DSCAM: variants seen among roughly 807,000 people sequenced by gnomAD.
DSCAM encodes DS cell adhesion molecule, also known as cell adhesion molecule DSCAM.
Under a neutral mutation model 217.7 loss-of-function variants are expected in DSCAM, and 47 were observed. The ratio of observed to expected loss-of-function variants is 0.22; its 90% CI spans 0.17 to 0.28. The LOEUF (loss-of-function observed/expected upper bound fraction) is 0.28. DSCAM is among the 10% of genes least tolerant of loss of function. The pLI, the probability that DSCAM is intolerant of heterozygous loss-of-function variation, is 1.00. For synonymous variants in DSCAM, 1,056 were observed against 1,015.3 expected, an observed-to-expected ratio of 1.04 and a Z score of -0.76; for missense variants, 2,080 against 2,618.3, an observed-to-expected ratio of 0.79 and a Z score of 4.49.
chr21:40,340,872 G>A (rs565756270), intron 6 of DSCAM, among the ~76,000 whole-genome samples: 6 of 152,158 alleles, frequency 3.9e-5, no homozygotes, highest in Non-Finnish European at 8.8e-5. Flanking sequence ...CACCTTTGAG[G>A]AAAGTGCCAC....
intron 1 of DSCAM, among the ~76,000 whole-genome samples, chr21:40,781,453 C>A (rs191802158): frequency 6.6e-6 from 1 of 152,180 alleles, no homozygotes; most frequent in South Asian, 2.1e-4. Context: ...CTGAACAATG[C>A]GGATTTCAAG....
At chr21:40,496,154 G>T (rs1431277560) in intron 3 of DSCAM, among the ~76,000 whole-genome samples, 5 of 151,924 alleles carry the variant, frequency 3.3e-5, no homozygotes, top group African/African-American at 1.2e-4. Context: ...ATTTTTCAAA[G>T]AAATAGAAAA....
At chr21:40,236,655 C>A (rs1406088174) in intron 11 of DSCAM, among the ~76,000 whole-genome samples, 1 of 152,120 alleles carries the variant, frequency 6.6e-6, no homozygotes, top group Non-Finnish European at 1.5e-5. Flanking sequence ...GAGCCCTAGG[C>A]ATTAGTTCCC....
At chr21:40,654,639 C>G (rs1331165951) in intron 3 of DSCAM, among the ~76,000 whole-genome samples, 1 of 152,140 alleles carries the variant, frequency 6.6e-6, no homozygotes, top group East Asian at 1.9e-4. Context: ...TAGAGGCCAT[C>G]CCTGTTTCTT....
intron 3 of DSCAM, among the ~76,000 whole-genome samples, chr21:40,605,791 C>CTTTTTTTTTTTTTTT (rs755767800): frequency 6.5e-5 from 4 of 62,004 alleles, no homozygotes; most frequent in African/African-American, 2.5e-4. Context: ...AATGCACATT[C>CTTTTTTTTTTTTTTT]TTTTTTTTTT....
chr21:40,501,160 G>A (rs993621361), intron 3 of DSCAM, among the ~76,000 whole-genome samples: 1 of 152,016 alleles, frequency 6.6e-6, no homozygotes, highest in Non-Finnish European at 1.5e-5. Context: ...ATAATTTTTA[G>A]GATAAGTATG....
intron 3 of DSCAM, among the ~76,000 whole-genome samples, chr21:40,393,302 CTCAA>C (rs1342020848): frequency 1.3e-5 from 2 of 152,214 alleles, no homozygotes; most frequent in African/African-American, 4.8e-5. Flanking sequence ...CGGAGCAGCA[CTCAA>C]TCCATAACAG....
chr21:40,176,469 G>A (rs569378406), intron 15 of DSCAM, among the ~76,000 whole-genome samples: 1 of 152,288 alleles, frequency 6.6e-6, no homozygotes, highest in Admixed American at 6.5e-5. Flanking sequence ...CTAAAAAGAT[G>A]TGCCTTTGGG....
intron 11 of DSCAM, among the ~76,000 whole-genome samples, chr21:40,259,968 C>T (rs1371502682): frequency 1.3e-5 from 2 of 151,962 alleles, no homozygotes; most frequent in African/African-American, 4.8e-5. Flanking sequence ...ACCTTGTGAT[C>T]CGCCCGCCTC....
intron 11 of DSCAM, among the ~76,000 whole-genome samples, chr21:40,234,871 C>G (rs1198615435): frequency 6.6e-6 from 1 of 152,018 alleles, no homozygotes; most frequent in East Asian, 1.9e-4. Flanking sequence ...AGAGGCAGGT[C>G]ACAGGAGGCT....
chr21:40,283,871 G>A (rs1446086023), intron 10 of DSCAM, among the ~76,000 whole-genome samples: 1 of 152,150 alleles, frequency 6.6e-6, no homozygotes, highest in East Asian at 1.9e-4. Context: ...CCCCTTGTAG[G>A]GTGAAATAAG....
intron 11 of DSCAM, among the ~76,000 whole-genome samples, chr21:40,205,786 T>C (rs1228350318): frequency 1.3e-5 from 2 of 152,092 alleles, no homozygotes; most frequent in Non-Finnish European, 2.9e-5. Context: ...TATGCACATA[T>C]AAAACAGGCA....
chr21:40,388,637 T>A (rs912944884), intron 3 of DSCAM, among the ~76,000 whole-genome samples: 1 of 150,828 alleles, frequency 6.6e-6, no homozygotes, highest in Non-Finnish European at 1.5e-5. Flanking sequence ...AAGGCCATTT[T>A]AAACCCCCCC....
rs557767565 is a variant in DSCAM, at chr21:40,421,741, G to A, written c.509-52496C>T. Among the ~76,000 whole-genome samples, 4 of 152,352 alleles carry A rather than the reference G, an allele frequency of 2.6e-5. No individual in the cohort carries two copies. The East Asian group carries it at 7.7e-4, about 29-fold the overall frequency. Reference sequence around the variant, plus strand: ...ACACCTGAGAGGCGGAAACCAAAATGGACAAAGGAAACAAAAAGTACTTGG... The same window carrying A: ...ACACCTGAGAGGCGGAAACCAAAATAGACAAAGGAAACAAAAAGTACTTGG... On this transcript the variant is annotated intron_variant, in intron 3 of 32. Transcript: ENST00000400454.
chr21:40,042,799 C>T (rs908751229), intron 31 of DSCAM, 126 bp from the exon 32 acceptor site: 2 of 927,012 alleles, frequency 2.2e-6, no homozygotes, highest in East Asian at 2.6e-5. Flanking sequence ...GGAGTTCTGG[C>T]TCCTTGGCGG....
chr21:40,194,106 G>A (rs753812789), intron 11 of DSCAM, among the ~76,000 whole-genome samples: 2 of 152,174 alleles, frequency 1.3e-5, no homozygotes, highest in Non-Finnish European at 2.9e-5. Context: ...CCTCTGGTTT[G>A]TTTATGACTT....
chr21:40,154,998 G>A (rs1555884344), intron 16 of DSCAM, among the ~76,000 whole-genome samples: 1 of 152,168 alleles, frequency 6.6e-6, no homozygotes, highest in Non-Finnish European at 1.5e-5. Flanking sequence ...TGGAATTGAG[G>A]TTAACTACTG....
chr21:40,531,446 G>A (rs1271140918), intron 3 of DSCAM, among the ~76,000 whole-genome samples: 1 of 152,172 alleles, frequency 6.6e-6, no homozygotes, highest in South Asian at 2.1e-4. Flanking sequence ...GGGTCCCACA[G>A]TAGCCTTGGG....
intron 23 of DSCAM, 42 bp from the exon 24 acceptor site, chr21:40,084,048 C>T: frequency 1.3e-6 from 2 of 1,515,212 alleles, no homozygotes; most frequent in Non-Finnish European, 1.8e-6. Context: ...ATTAGTTTTT[C>T]ACATCTTTAA....
Sources: gnomAD v4.1 joint callset for allele counts (sites outside exome capture counted in the v4.1 genomes callset) on GRCh38, gnomAD v4.1.1 for gene constraint, MANE v1.5 for transcripts, NCBI Gene and HGNC (gene_info 2026-07-23, HGNC 2026-07-21) for gene names.